The following INO80D variants were observed in gnomAD, a reference collection of about 807,000 sequenced individuals.
INO80D encodes INO80 complex subunit D.
In INO80D, 21 loss-of-function variants were observed where a neutral mutation model predicts 87.6. The ratio of observed to expected loss-of-function variants is 0.24; its 90% CI spans 0.17 to 0.35. The LOEUF (loss-of-function observed/expected upper bound fraction) is 0.35. INO80D is among the 10% of genes least tolerant of loss of function. INO80D has a pLI of 1.00. For synonymous variants in INO80D, 440 were observed against 491.0 expected, an observed-to-expected ratio of 0.90 and a Z score of 1.37; for missense variants, 982 against 1,280.7, an observed-to-expected ratio of 0.77 and a Z score of 3.56.
Position 206,005,294 on chromosome 2 carries a change from G to A in INO80D, c.2158C>T (p.Arg720Cys), listed in dbSNP as rs776202202. The change falls in exon 11 of 11, where the codon CGT becomes TGT. Residue 720 changes from arginine (R) to cysteine (C), a missense_variant. Physicochemically the swap from Arg to Cys is radical, Grantham distance 180. Transcript: ENST00000403263. ...CTAGAAAAATTATCATGTACTATAC[G>A]CCCATTCAATAGCTCCCCTAGGTCT... Reference protein sequence around the residue: ...NTDLGELLNGRIVHDNFSSLE... With the variant: ...NTDLGELLNGCIVHDNFSSLE... 1 of 1,613,944 alleles carries A rather than the reference G, an allele frequency of 6.2e-7. No individual in the cohort carries two copies. The highest frequency in any genetic ancestry group is 8.5e-7 in the Non-Finnish European group (1 of 1,179,888).
chr2:206,049,013 T>C (rs140641264), intron 4 of INO80D, among the ~76,000 whole-genome samples: 2 of 152,344 alleles, frequency 1.3e-5, no homozygotes, highest in African/African-American at 4.8e-5. Flanking sequence ...TATCCATACC[T>C]CTATGAAACT....
At chr2:206,049,585 G>A (rs1247643400) in intron 4 of INO80D, among the ~76,000 whole-genome samples, 1 of 152,120 alleles carries the variant, frequency 6.6e-6, no homozygotes, top group Non-Finnish European at 1.5e-5. Flanking sequence ...GAAACTAACT[G>A]TCCAATAAAG....
intron 4 of INO80D, among the ~76,000 whole-genome samples, chr2:206,054,169 ATTTCT>A (rs1381785507): frequency 1.3e-4 from 19 of 149,606 alleles, no homozygotes; most frequent in Non-Finnish European, 1.8e-4. Flanking sequence ...GCTATATAAT[ATTTCT>A]TTTCTTTTCT....
At chr2:206,070,191 G>A (rs1022019878) in intron 1 of INO80D, among the ~76,000 whole-genome samples, 6 of 151,084 alleles carry the variant, frequency 4.0e-5, no homozygotes, top group South Asian at 2.1e-4. Flanking sequence ...TGAGGTGGGC[G>A]GATCACTTGA....
intron 4 of INO80D, among the ~76,000 whole-genome samples, chr2:206,050,677 T>G (rs1401578342): frequency 6.9e-6 from 1 of 145,958 alleles, no homozygotes; most frequent in Non-Finnish European, 1.5e-5. Context: ...TTTTAAAAAT[T>G]GTTATATTTC....
intron 6 of INO80D, among the ~76,000 whole-genome samples, chr2:206,025,075 CT>C (rs1459721354): frequency 2.6e-5 from 4 of 151,756 alleles, no homozygotes; most frequent in Non-Finnish European, 4.4e-5. Flanking sequence ...TTTTAAAACC[CT>C]TTTTTTCCCT....
intron 1 of INO80D, among the ~76,000 whole-genome samples, chr2:206,082,283 G>A (rs1690306364): frequency 6.6e-6 from 1 of 152,152 alleles, no homozygotes; most frequent in Non-Finnish European, 1.5e-5. Flanking sequence ...GCCTCCCAAA[G>A]TGCTGGGATT....
intron 1 of INO80D, among the ~76,000 whole-genome samples, chr2:206,076,547 A>G (rs567004743): frequency 1.3e-4 from 20 of 152,384 alleles, no homozygotes; most frequent in African/African-American, 3.8e-4. Context: ...AGAAGCAGTG[A>G]GAAAACTGCT....
chr2:206,053,734 G>A (rs1444594213), intron 4 of INO80D, among the ~76,000 whole-genome samples: 1 of 151,736 alleles, frequency 6.6e-6, no homozygotes, highest in African/African-American at 2.4e-5. Flanking sequence ...GATATCCCCT[G>A]TTTATTTACT....
rs1335066685 is a variant in INO80D, at chr2:206,005,067, C to T, written c.2385G>A (p.Gln795=). 2 of 1,613,810 alleles carry T rather than the reference C, an allele frequency of 1.2e-6. No individual in the cohort carries two copies. The highest frequency in any genetic ancestry group is 3.3e-5 in the Admixed American group (2 of 59,988). ...HGLHDGSHAS[Q]RPHPAQLLSK... ...TCAGCAGCTGGGCAGGATGTGGCCT[C>T]TGGGAGGCATGGCTGCCGTCATGAA... Residue 795 remains glutamine (Q), a synonymous_variant, in exon 11 of 11, where the codon CAG becomes CAA. Transcript: ENST00000403263.
rs926166312 is a variant in INO80D at position 205,994,887 on chromosome 2, A to AAAAGAAAG, written c.*9473_*9480dup. The AAAAGAAAG allele has an allele frequency of 1.3e-5, 2 of 150,924 alleles. No individual in the cohort carries two copies. The highest frequency in any genetic ancestry group is 2.1e-4 in the South Asian group (1 of 4,826). The allele number at this position is 150,924 out of a possible 1,614,324, so 9.3% of individuals were successfully genotyped here. On this transcript the variant is annotated 3_prime_UTR_variant, in exon 11 of 11. Coordinates refer to ENST00000403263, the MANE Select transcript of INO80D (RefSeq NM_017759.5). ...ACTTGGAACTCGCAAAAAAAAAAAA[A>AAAAGAAAG]AAAGAAAGAAAGAAAGAAAGAAAAA...
rs80096760 is a variant in INO80D, at chr2:206,009,889, A to G, written c.1543-95T>C. On this transcript the variant is annotated intron_variant, in intron 8 of 10. Transcript: ENST00000403263. The stretch of plus-strand genomic sequence containing the variant: ...ACTTACATCCCTTAATATTCTATAT[A>G]ATGCCTAAAACATACTGGATGCCCA... 78 of 994,918 alleles carry G rather than the reference A, an allele frequency of 7.8e-5. No homozygotes were observed. The East Asian group carries it at 2.0e-3, about 26-fold the overall frequency. The allele number at this position is 994,918 out of a possible 1,614,324, so 61.6% of individuals were successfully genotyped here.
intron 6 of INO80D, among the ~76,000 whole-genome samples, chr2:206,023,019 T>C (rs749984373): frequency 6.6e-6 from 1 of 151,970 alleles, no homozygotes; most frequent in African/African-American, 2.4e-5. Context: ...GCCAACATGG[T>C]GAAATCCTGT....
At chr2:206,057,158 G>A (rs1208668405) in intron 3 of INO80D, among the ~76,000 whole-genome samples, 1 of 152,118 alleles carries the variant, frequency 6.6e-6, no homozygotes, top group Non-Finnish European at 1.5e-5. Flanking sequence ...ACATGCACAG[G>A]GGTGGCCAGA....
chr2:206,018,035 C>T (rs1688364092), intron 7 of INO80D, among the ~76,000 whole-genome samples: 1 of 152,184 alleles, frequency 6.6e-6, no homozygotes, highest in African/African-American at 2.4e-5. Flanking sequence ...GACCCTGGCA[C>T]CAGTCTCCTT....
At chr2:206,077,279 G>A (rs928348170) in intron 1 of INO80D, among the ~76,000 whole-genome samples, 1 of 151,726 alleles carries the variant, frequency 6.6e-6, no homozygotes, top group African/African-American at 2.4e-5. Flanking sequence ...GGCGGAGCTT[G>A]CAGTGAGCCA....
intron 8 of INO80D, among the ~76,000 whole-genome samples, chr2:206,014,540 A>T (rs1049624296): frequency 3.9e-5 from 6 of 152,230 alleles, no homozygotes; most frequent in African/African-American, 9.6e-5. Context: ...TTTGCCTGCC[A>T]CCATCCATGT....
intron 1 of INO80D, among the ~76,000 whole-genome samples, chr2:206,070,118 T>A (rs1369946097): frequency 6.7e-6 from 1 of 150,250 alleles, no homozygotes; most frequent in Non-Finnish European, 1.5e-5. Context: ...CTACAAAGAA[T>A]ACAAAAATTA....
intron 1 of INO80D, among the ~76,000 whole-genome samples, chr2:206,077,265 G>A (rs1387944182): frequency 6.6e-6 from 1 of 151,686 alleles, no homozygotes; most frequent in East Asian, 1.9e-4. Flanking sequence ...GTGTGAACCC[G>A]AAAGGCGGAG....
Sources: gnomAD v4.1 joint callset for allele counts (sites outside exome capture counted in the v4.1 genomes callset) on GRCh38, gnomAD v4.1.1 for gene constraint, MANE v1.5 for transcripts, NCBI Gene and HGNC (gene_info 2026-07-23, HGNC 2026-07-21) for gene names.